Variants in ZNF710 observed in about 807,000 individuals in gnomAD.
ZNF710 encodes the protein zinc finger protein 710.
ZNF710 carries 13 observed loss-of-function variants against 50.6 expected under a neutral mutation model. The observed-to-expected ratio is 0.26, with a 90% CI of 0.17 to 0.41. The LOEUF (loss-of-function observed/expected upper bound fraction) is 0.41. Ranked by LOEUF, ZNF710 falls within the 10% of genes least tolerant of loss-of-function variation. ZNF710 has a pLI of 1.00. For synonymous variants in ZNF710, 383 were observed against 397.0 expected, an observed-to-expected ratio of 0.96 and a Z score of 0.42; for missense variants, 721 against 936.6, an observed-to-expected ratio of 0.77 and a Z score of 3.01.
At chr15:89,999,623 G>C (rs1344461432), upstream of ZNF710, among the ~76,000 whole-genome samples, 1 of 152,160 alleles carries the variant, frequency 6.6e-6, no homozygotes, top group Non-Finnish European at 1.5e-5. Flanking sequence ...TGTGTTCTGA[G>C]TGACTGGAGT....
rs66682813 is a variant in ZNF710, at chr15:90,021,019, C to CCCCG, written c.-29+19406_-29+19407insCCGC. Among the ~76,000 whole-genome samples the CCCCG allele has an allele frequency of 3.3e-3, 133 of 40,390 alleles. 1 individual carries two copies. Among genetic ancestry groups the CCCCG allele is most frequent in the African/African-American group, 0.011 (130 of 12,210 alleles). The allele number at this position is 40,390 out of a possible 152,430, so 26.5% of individuals were successfully genotyped here. A position where few individuals can be genotyped will look rare whatever the true frequency, so the allele number is the denominator to read the frequency against. ...GAGAGAGGGTGTGGCACCCCCCCCCCCTTAGCAGCCTGGGGGACGTCAGCT... is the reference window on the plus strand; with the variant it reads ...GAGAGAGGGTGTGGCACCCCCCCCCCCCCGCTTAGCAGCCTGGGGGACGTCAGCT... On this transcript the variant is annotated intron_variant, in intron 1 of 4. Coordinates refer to ENST00000268154, the MANE Select transcript of ZNF710 (RefSeq NM_198526.4).
chr15:90,050,414 G>A (rs541319409), intron 1 of ZNF710, among the ~76,000 whole-genome samples: 20 of 152,206 alleles, frequency 1.3e-4, no homozygotes, highest in East Asian at 3.9e-4. Context: ...TCCCTTCTCC[G>A]TCCCATGCTT....
At chr15:90,009,172 G>A (rs1166849942) in intron 1 of ZNF710, among the ~76,000 whole-genome samples, 2 of 149,526 alleles carry the variant, frequency 1.3e-5, no homozygotes, top group Non-Finnish European at 3.0e-5. Flanking sequence ...GGACTGCAAG[G>A]ATATGGGCTT....
chr15:90,043,565 G>T (rs1180613096), intron 1 of ZNF710, among the ~76,000 whole-genome samples: 2 of 152,178 alleles, frequency 1.3e-5, no homozygotes, highest in Non-Finnish European at 2.9e-5. Flanking sequence ...TTTATTTTTT[G>T]TACTTTTAGG....
rs143323217 is a variant in ZNF710 at position 90,060,713 on chromosome 15, G to A, written c.-28-6397G>A. On this transcript the variant is annotated intron_variant, in intron 1 of 4. Coordinates refer to ENST00000268154, the MANE Select transcript of ZNF710 (RefSeq NM_198526.4). ...CTATTAAAAATATAAAAAATTAGCC[G>A]AGCATGGTGGTGGGCGCCTGTAATC... is the stretch of plus-strand genomic sequence containing the variant. Among the ~76,000 whole-genome samples, 1,372 of 151,566 alleles carry A rather than the reference G, an allele frequency of 9.1e-3. 22 individuals are homozygous for A. The highest frequency in any genetic ancestry group is 0.032 in the African/African-American group (1,309 of 41,260).
chr15:90,036,062 G>A (rs370551393), intron 1 of ZNF710, among the ~76,000 whole-genome samples: 48 of 152,244 alleles, frequency 3.2e-4, no homozygotes, highest in African/African-American at 1.1e-3. Context: ...CGCCCCATCC[G>A]GCCCCACAAG....
chr15:90,027,875 A>G (rs1898825196), intron 1 of ZNF710, among the ~76,000 whole-genome samples: 2 of 152,026 alleles, frequency 1.3e-5, no homozygotes, highest in Admixed American at 6.6e-5. Flanking sequence ...TTAAATTTGA[A>G]GACAATATGC....
intron 2 of ZNF710, among the ~76,000 whole-genome samples, chr15:90,069,269 G>A (rs963944746): frequency 2.0e-5 from 3 of 151,566 alleles, no homozygotes; most frequent in African/African-American, 7.3e-5. Context: ...TTAGCCGGGT[G>A]TGGTGGCATA....
At chr15:90,075,574 C>T (rs920068145) in intron 4 of ZNF710, 3 of 152,142 alleles carry the variant, frequency 2.0e-5, no homozygotes, top group African/African-American at 7.2e-5. Flanking sequence ...CAGCTGGGAA[C>T]ATGCTTTGGC....
intron 1 of ZNF710, among the ~76,000 whole-genome samples, chr15:90,005,950 G>A (rs908961991): frequency 6.6e-6 from 1 of 152,162 alleles, no homozygotes; most frequent in African/African-American, 2.4e-5. Flanking sequence ...AACCCAGGCT[G>A]TCTAACTTCA....
chr15:90,056,904 A>G (rs191292946), intron 1 of ZNF710, among the ~76,000 whole-genome samples: 52 of 152,226 alleles, frequency 3.4e-4, no homozygotes, highest in Non-Finnish European at 6.6e-4. Flanking sequence ...TTCAGGGCTA[A>G]GGGGGGTTGA....
intron 1 of ZNF710, chr15:90,002,447 C>G (rs1450467564): frequency 6.6e-6 from 1 of 152,482 alleles, no homozygotes. Flanking sequence ...CTCAGCCCCC[C>G]TTCCTCCTCG....
intron 1 of ZNF710, among the ~76,000 whole-genome samples, chr15:90,049,245 G>A (rs546994464): frequency 6.6e-6 from 1 of 152,300 alleles, no homozygotes; most frequent in East Asian, 1.9e-4. Flanking sequence ...TTGCAGTTGA[G>A]AAAACAGAGG....
chr15:90,031,751 C>A (rs1898956249), intron 1 of ZNF710, among the ~76,000 whole-genome samples: 1 of 152,196 alleles, frequency 6.6e-6, no homozygotes, highest in South Asian at 2.1e-4. Flanking sequence ...ATGCAGTTGC[C>A]TGGGTCCAGC....
rs747103942 is a variant in ZNF710 at position 90,062,582 on chromosome 15, G to A, written c.-28-4528G>A. Among the ~76,000 whole-genome samples the A allele has an allele frequency of 5.9e-5, 9 of 152,284 alleles. No individual in the cohort carries two copies. Among genetic ancestry groups the A allele is most frequent in the Admixed American group, 4.6e-4 (7 of 15,298 alleles). ...GAGGCAGCCCTGGCACACAGGTGAC[G>A]CACACCTGGCAGGCTCTCTTCCTGC... On this transcript the variant is annotated intron_variant, in intron 1 of 4. Coordinates refer to ENST00000268154, the MANE Select transcript of ZNF710 (RefSeq NM_198526.4). This position sits in a 1 kb window ranked among gnomAD's most constrained non-coding sequence, Gnocchi z 5.6.
chr15:90,003,460 CACGTGTAAG>C (rs1160212241), intron 1 of ZNF710, among the ~76,000 whole-genome samples: 11 of 152,168 alleles, frequency 7.2e-5, no homozygotes, highest in African/African-American at 2.7e-4. Flanking sequence ...TGCATTTGTA[CACGTGTAAG>C]TAAAACCAGT....
In ZNF710 at chr15:90,068,563, C is replaced by G; in HGVS notation, c.1426C>G (p.His476Asp). 6.2e-7 allele frequency: 1 copy of G among 1,607,290 alleles called. No homozygotes were observed. The highest frequency in any genetic ancestry group is 8.5e-7 in the Non-Finnish European group (1 of 1,178,980). ...ATGCGGCATGGAGTTCAGCCAGATTCACCACCTCAAGCAGCACTCCCTCAC... is the reference window on the plus strand; with the variant it reads ...ATGCGGCATGGAGTTCAGCCAGATTGACCACCTCAAGCAGCACTCCCTCAC... Reference protein sequence around the residue: ...TECGMEFSQIHHLKQHSLTHK... With the variant: ...TECGMEFSQIDHLKQHSLTHK... Residue 476 changes from histidine (H) to aspartate (D), a missense_variant, in exon 2 of 5, where the codon CAC becomes GAC. Physicochemically the swap from His to Asp is moderately conservative, Grantham distance 81. This residue lies in a region of ZNF710 where 326 missense variants were observed against 522.0 expected (regional missense o/e 0.62). Coordinates refer to ENST00000268154, the MANE Select transcript of ZNF710 (RefSeq NM_198526.4). The surrounding 1 kb of genome is among the most constrained non-coding windows in gnomAD (Gnocchi z 5.0).
chr15:90,068,316 G>A lies in ZNF710; in HGVS notation c.1179G>A (p.Glu393=), dbSNP rs148380983. The change falls in exon 2 of 5, where the codon GAG becomes GAA. Residue 393 remains glutamate, a synonymous_variant. Transcript: ENST00000268154. This position sits in a 1 kb window ranked among gnomAD's most constrained non-coding sequence, Gnocchi z 5.0. ...GCCGCGGCTTCGCCTACCCCAGCGA[G>A]CTCAAGGCCCACGAAGTGAAGCATG... is the stretch of plus-strand genomic sequence containing the variant. ...FCGRGFAYPS[E]LKAHEVKHES... The A allele has an allele frequency of 1.7e-5, 28 of 1,612,884 alleles. No individual in the cohort carries two copies. In the African/African-American group the frequency reaches 3.3e-4, roughly 19 times the overall value.
chr15:90,019,731 G>C (rs1412290443), intron 1 of ZNF710, among the ~76,000 whole-genome samples: 1 of 152,170 alleles, frequency 6.6e-6, no homozygotes, highest in Admixed American at 6.5e-5. Context: ...TGCGAGGGCT[G>C]GGCCCAGAGA....
Sources: gnomAD v4.1 joint callset for allele counts (sites outside exome capture counted in the v4.1 genomes callset) on GRCh38, gnomAD v4.1.1 for gene constraint, gnomAD v4.1.1 regional missense constraint, Gnocchi (gnomAD v3.1) non-coding constraint, MANE v1.5 for transcripts, NCBI Gene and HGNC (gene_info 2026-07-23, HGNC 2026-07-21) for gene names.